SLC2A1: variants seen among roughly 807,000 people sequenced by gnomAD.
SLC2A1 encodes the protein solute carrier family 2, facilitated glucose transporter member 1.
SLC2A1 carries 4 observed loss-of-function variants against 46.6 expected under a neutral mutation model. The observed-to-expected ratio is 0.09, with a 90% confidence interval of 0.04 to 0.20. The LOEUF is 0.20. SLC2A1 is among the 10% of genes least tolerant of loss of function. The pLI is 1.00. For missense variants in SLC2A1, 352 were observed against 667.0 expected, an observed-to-expected ratio of 0.53 and a Z score of 5.20; for synonymous variants, 253 against 270.0, an observed-to-expected ratio of 0.94 and a Z score of 0.62.
At chr1:42,932,074 A>G (rs1292588214) in intron 2 of SLC2A1, among the ~76,000 whole-genome samples, 1 of 152,126 alleles carries the variant, frequency 6.6e-6, no homozygotes, top group African/African-American at 2.4e-5. Context: ...AAGTGCTTGA[A>G]AGACTCACGC....
At position 42,954,998 on chromosome 1, in the gene SLC2A1, C is replaced by A. The variant is rs1353934606; in HGVS notation, c.18+3636G>T. On this transcript the variant is annotated intron_variant, in intron 1 of 9. Coordinates refer to ENST00000426263, the MANE Select transcript of SLC2A1 (RefSeq NM_006516.4). This position sits in a 1 kb window ranked among gnomAD's most constrained non-coding sequence, Gnocchi z 4.2. ...CTCTCACCCATGTGCCATGCCTACTCACTTCCCAACAAGCCCCTACTAGGA... is the reference window on the plus strand; with the variant it reads ...CTCTCACCCATGTGCCATGCCTACTAACTTCCCAACAAGCCCCTACTAGGA... 6.6e-6 allele frequency among the ~76,000 whole-genome samples: 1 copy of A among 152,224 alleles called. No homozygotes were observed. The highest frequency in any genetic ancestry group is 1.5e-5 in the Non-Finnish European group (1 of 68,038).
rs991379716 is a variant in SLC2A1, at chr1:42,927,975, G to A, written c.1075-167C>T. 2.6e-5 allele frequency among the ~76,000 whole-genome samples: 4 copies of A among 152,182 alleles called. No homozygotes were observed. The highest frequency in any genetic ancestry group is 7.2e-5 in the African/African-American group (3 of 41,450). ...GCATTGGGCCTAAGTTTCCTCATCCGAACAAAATGATTTAAGTCCTGCAGG... is the reference window on the plus strand; with the variant it reads ...GCATTGGGCCTAAGTTTCCTCATCCAAACAAAATGATTTAAGTCCTGCAGG... On this transcript the variant is annotated intron_variant, in intron 8 of 9. Coordinates refer to ENST00000426263, the MANE Select transcript of SLC2A1 (RefSeq NM_006516.4). This position sits in a 1 kb window ranked among gnomAD's most constrained non-coding sequence, Gnocchi z 5.3.
Position 42,958,640 on chromosome 1 carries a change from G to T in SLC2A1, c.12C>A (p.Ser4Arg). 6.5e-7 allele frequency: 1 copy of T among 1,532,818 alleles called. No individual in the cohort carries two copies. The allele number at this position is 1,532,818 out of a possible 1,614,324, so 95.0% of individuals were successfully genotyped here. A position where few individuals can be genotyped will look rare whatever the true frequency, so the allele number is the denominator to read the frequency against. ...CCGCGGGCGCGCGACTCACCTTGCT[G>T]CTGGGCTCCATGGCAGCGCTGCGCT... Reference protein sequence around the residue: MEPSSKKLTGRLML... With the variant: MEPRSKKLTGRLML... Residue 4 changes from serine (S) to arginine (R), a missense_variant, in exon 1 of 10, where the codon AGC (serine) becomes AGA (arginine). This residue lies in a region of SLC2A1 where 97 missense variants were observed against 175.6 expected (regional missense o/e 0.55). Transcript: ENST00000426263.
chr1:42,941,724 CCT>C (rs1302867141), intron 2 of SLC2A1, among the ~76,000 whole-genome samples: 1 of 152,190 alleles, frequency 6.6e-6, no homozygotes, highest in Non-Finnish European at 1.5e-5. Flanking sequence ...GCTCAACCTC[CCT>C]CTGTTTCCTC....
intron 2 of SLC2A1, among the ~76,000 whole-genome samples, chr1:42,940,483 C>T (rs5031048): frequency 1.3e-5 from 2 of 152,250 alleles, no homozygotes; most frequent in Admixed American, 6.5e-5. Context: ...CGATGGCTTA[C>T]ATTATCCCTC....
intron 2 of SLC2A1, among the ~76,000 whole-genome samples, chr1:42,935,462 C>T (rs758095532): frequency 1.3e-5 from 2 of 152,182 alleles, no homozygotes; most frequent in Admixed American, 1.3e-4. Context: ...GGGCATGAGG[C>T]GGCGAACACT....
intron 1 of SLC2A1, among the ~76,000 whole-genome samples, chr1:42,943,684 G>A (rs1643621489): frequency 6.6e-6 from 1 of 152,142 alleles, no homozygotes; most frequent in African/African-American, 2.4e-5. Flanking sequence ...CCAGGAACCA[G>A]CCCTCCTATG....
At chr1:42,934,909 C>T (rs2124454409) in intron 2 of SLC2A1, among the ~76,000 whole-genome samples, 1 of 152,300 alleles carries the variant, frequency 6.6e-6, no homozygotes, top group East Asian at 1.9e-4. Context: ...CTGGATTCTG[C>T]TCCCGACTCT....
At position 42,958,799 on chromosome 1, in the gene SLC2A1, C is replaced by G. The variant is rs1453949771; in HGVS notation, c.-148G>C. 6.5e-6 allele frequency: 5 copies of G among 769,638 alleles called. No individual in the cohort carries two copies. Among genetic ancestry groups the G allele is most frequent in the African/African-American group, 3.6e-5 (2 of 54,818 alleles). 47.7% of individuals were successfully genotyped at this position (769,638 alleles called of 1,614,324 possible). A position where few individuals can be genotyped will look rare whatever the true frequency, so the allele number is the denominator to read the frequency against. ...GACCCCCGTCGTTTGGTCTCCTGCT[C>G]CCTGGCGTGCTCACTCGGGGACCCG... On this transcript the variant is annotated 5_prime_UTR_variant, in exon 1 of 10. Transcript: ENST00000426263.
At position 42,929,522 on chromosome 1, in the gene SLC2A1, G is replaced by T. The variant is rs758579411; in HGVS notation, c.867+71C>A. The stretch of plus-strand genomic sequence containing the variant: ...GGCGTATCTGTTGTTTCAAGTTTGG[G>T]ACTTGTTCACCATGCACACTTGACC... On this transcript the variant is annotated intron_variant, in intron 6 of 9. Transcript: ENST00000426263. This position sits in a 1 kb window ranked among gnomAD's most constrained non-coding sequence, Gnocchi z 6.0. 2.7e-6 allele frequency: 4 copies of T among 1,456,374 alleles called. No individual in the cohort carries two copies. The highest frequency in any genetic ancestry group is 3.8e-6 in the Non-Finnish European group (4 of 1,041,496). The allele number at this position is 1,456,374 out of a possible 1,614,324, so 90.2% of individuals were successfully genotyped here.
In SLC2A1 at chr1:42,958,779, C is replaced by A; in HGVS notation, c.-128G>T. The stretch of plus-strand genomic sequence containing the variant: ...CCCACTGCGACTCTGACTCCGACCC[C>A]CGTCGTTTGGTCTCCTGCTCCCTGG... On this transcript the variant is annotated 5_prime_UTR_variant, in exon 1 of 10. Coordinates refer to ENST00000426263, the MANE Select transcript of SLC2A1 (RefSeq NM_006516.4). 9.9e-7 allele frequency: 1 copy of A among 1,012,364 alleles called. No homozygotes were observed. Among genetic ancestry groups the A allele is most frequent in the Non-Finnish European group, 1.4e-6 (1 of 689,666 alleles). The allele number at this position is 1,012,364 out of a possible 1,614,324, so 62.7% of individuals were successfully genotyped here.
intron 1 of SLC2A1, among the ~76,000 whole-genome samples, chr1:42,957,066 G>A (rs770098116): frequency 3.3e-5 from 5 of 152,176 alleles, no homozygotes; most frequent in Non-Finnish European, 5.9e-5. Flanking sequence ...ACCCATGTCT[G>A]GCATAGTATG....
chr1:42,930,458 TG>T lies in SLC2A1; in HGVS notation c.516+167del. The T allele has an allele frequency of 1.1e-6, 1 of 896,024 alleles. No homozygotes were observed. Among genetic ancestry groups the T allele is most frequent in the Non-Finnish European group, 1.8e-6 (1 of 549,738 alleles). 55.5% of individuals were successfully genotyped at this position (896,024 alleles called of 1,614,324 possible). On this transcript the variant is annotated intron_variant, in intron 4 of 9. Transcript: ENST00000426263. This position sits in a 1 kb window ranked among gnomAD's most constrained non-coding sequence, Gnocchi z 6.2. ...AGAGTCAAGTCATCTTGCTGTCAAC[TG>T]GGAGGCCATGGTGCTGTGTTCTCTG...
rs1232724729 is a variant in SLC2A1 at position 42,958,645 on chromosome 1, G to A, written c.7C>T (p.Pro3Ser). The change falls in exon 1 of 10, where the codon CCC (proline) becomes TCC (serine). Residue 3 changes from proline to serine, a missense_variant. By Grantham distance (74) the Pro-to-Ser change is moderately conservative. Transcript: ENST00000426263. ME[P>S]SSKKLTGRLM... ...GGCGCGCGACTCACCTTGCTGCTGG[G>A]CTCCATGGCAGCGCTGCGCTGGTGG... The A allele has an allele frequency of 6.5e-7, 1 of 1,533,360 alleles. No individual in the cohort carries two copies. Among genetic ancestry groups the A allele is most frequent in the Admixed American group, 2.0e-5 (1 of 50,728 alleles). 95.0% of individuals were successfully genotyped at this position (1,533,360 alleles called of 1,614,324 possible).
At position 42,929,499 on chromosome 1, in the gene SLC2A1, C is replaced by T. The variant is rs764369631; in HGVS notation, c.867+94G>A. On this transcript the variant is annotated intron_variant, in intron 6 of 9. Coordinates refer to ENST00000426263, the MANE Select transcript of SLC2A1 (RefSeq NM_006516.4). This position sits in a 1 kb window ranked among gnomAD's most constrained non-coding sequence, Gnocchi z 6.0. ...TAAAGGGAAACTTCTTCGGCAGAGG[C>T]GTATCTGTTGTTTCAAGTTTGGGAC... 1.1e-5 allele frequency: 14 copies of T among 1,303,080 alleles called. No individual in the cohort carries two copies. The highest frequency in any genetic ancestry group is 2.3e-5 in the East Asian group (1 of 43,094). 80.7% of individuals were successfully genotyped at this position (1,303,080 alleles called of 1,614,324 possible). A position where few individuals can be genotyped will look rare whatever the true frequency, so the allele number is the denominator to read the frequency against.
At chr1:42,952,398 C>A in intron 1 of SLC2A1, 1 of 481,916 alleles carries the variant, frequency 2.1e-6, no homozygotes, top group South Asian at 1.5e-5. Context: ...CCCGTAGAGG[C>A]TGATGCAGTC....
intron 1 of SLC2A1, among the ~76,000 whole-genome samples, chr1:42,958,104 C>T (rs956588009): frequency 1.6e-4 from 25 of 152,134 alleles, no homozygotes; most frequent in African/African-American, 6.0e-4. Flanking sequence ...TGGGACACCT[C>T]GCACCAGGCC....
chr1:42,958,615 C>T lies in SLC2A1; in HGVS notation c.18+19G>A, dbSNP rs2124478639. On this transcript the variant is annotated intron_variant, in intron 1 of 9. Transcript: ENST00000426263. Reference sequence around the variant, plus strand: ...GCGCCTTTGTTCCTGGCGGGAGGGCCCGCGGGCGCGCGACTCACCTTGCTG... The same window carrying T: ...GCGCCTTTGTTCCTGGCGGGAGGGCTCGCGGGCGCGCGACTCACCTTGCTG... 2 of 1,523,934 alleles carry T rather than the reference C, an allele frequency of 1.3e-6. No individual in the cohort carries two copies. The highest frequency in any genetic ancestry group is 2.4e-5 in the South Asian group (2 of 82,558). The allele number at this position is 1,523,934 out of a possible 1,614,324, so 94.4% of individuals were successfully genotyped here. A position where few individuals can be genotyped will look rare whatever the true frequency, so the allele number is the denominator to read the frequency against.
chr1:42,930,633 A>G lies in SLC2A1; in HGVS notation c.509T>C (p.Ile170Thr). ...HQLGIVVGIL[I>T]AQVFGLDSIM... Reference sequence around the variant, plus strand: ...GATCCTGCCCCAGCTTACCTGGGCGATGAGGATGCCGACGACGATGCCCAG... The same window carrying G: ...GATCCTGCCCCAGCTTACCTGGGCGGTGAGGATGCCGACGACGATGCCCAG... Residue 170 changes from isoleucine (I) to threonine (T), a missense_variant, in exon 4 of 10, where the codon ATC (isoleucine) becomes ACC (threonine). Around this residue, in one of 5 missense-constraint regions of SLC2A1, gnomAD observed 167 missense variants for 280.8 expected, o/e 0.59. Coordinates refer to ENST00000426263, the MANE Select transcript of SLC2A1 (RefSeq NM_006516.4). The surrounding 1 kb of genome is among the most constrained non-coding windows in gnomAD (Gnocchi z 6.2). The G allele has an allele frequency of 6.2e-7, 1 of 1,612,482 alleles. No homozygotes were observed. The highest frequency in any genetic ancestry group is 8.5e-7 in the Non-Finnish European group (1 of 1,179,152).
Sources: gnomAD v4.1 joint callset for allele counts (sites outside exome capture counted in the v4.1 genomes callset) on GRCh38, gnomAD v4.1.1 for gene constraint, gnomAD v4.1.1 regional missense constraint, Gnocchi (gnomAD v3.1) non-coding constraint, MANE v1.5 for transcripts, NCBI Gene and HGNC (gene_info 2026-07-23, HGNC 2026-07-21) for gene names.